WWOX: variants seen among roughly 807,000 people sequenced by gnomAD.
The protein encoded by WWOX is WW domain-containing oxidoreductase.
Under a neutral mutation model 46.2 loss-of-function variants are expected in WWOX, and 69 were observed. The ratio of observed to expected loss-of-function variants is 1.49; its 90% CI spans 1.23 to 1.82. WWOX has a LOEUF of 1.82. Among genes scored for constraint, WWOX ranks in the 40% most tolerant of loss-of-function variants. The pLI, the probability that WWOX is intolerant of heterozygous loss-of-function variation, is 0.00. For synonymous variants in WWOX, 359 were observed against 202.6 expected, an observed-to-expected ratio of 1.77 and a Z score of -6.56; for missense variants, 919 against 542.6, an observed-to-expected ratio of 1.69 and a Z score of -6.89.
chr16:78,329,607 T>A lies in WWOX; in HGVS notation c.517-57253T>A, dbSNP rs929276276. 3.9e-5 allele frequency among the ~76,000 whole-genome samples: 6 copies of A among 152,230 alleles called. No individual in the cohort carries two copies. In the East Asian group the frequency reaches 5.8e-4, roughly 15 times the overall value. On this transcript the variant is annotated intron_variant, in intron 5 of 8. Transcript: ENST00000566780. ...GGCAATGTCCCCAGTGCAACCTATG[T>A]AAAATATAGCAGTTTCCTGCACACG... is the stretch of plus-strand genomic sequence containing the variant.
intron 1 of WWOX, among the ~76,000 whole-genome samples, chr16:78,104,082 G>A (rs534138491): frequency 1.9e-4 from 29 of 152,204 alleles, no homozygotes; most frequent in Admixed American, 4.6e-4. Flanking sequence ...AGGTCTCAGT[G>A]TCAGAGCCGT....
At chr16:79,106,288 T>G (rs926048491) in intron 8 of WWOX, among the ~76,000 whole-genome samples, 2 of 152,190 alleles carry the variant, frequency 1.3e-5, no homozygotes, top group East Asian at 3.9e-4. Context: ...ACATTTTGAA[T>G]TTTTGACCTG....
At chr16:78,294,359 C>G (rs909821814) in intron 5 of WWOX, among the ~76,000 whole-genome samples, 6 of 152,134 alleles carry the variant, frequency 3.9e-5, no homozygotes, top group African/African-American at 9.7e-5. Context: ...GCCCCTTCCA[C>G]TCAGAAAAAT....
rs2049954895 is a variant in WWOX at position 79,134,958 on chromosome 16, C to G, written c.1057-76650C>G. Among the ~76,000 whole-genome samples, 3 of 152,130 alleles carry G rather than the reference C, an allele frequency of 2.0e-5. No individual in the cohort carries two copies. In the South Asian group the frequency reaches 6.2e-4, roughly 32 times the overall value. On this transcript the variant is annotated intron_variant, in intron 8 of 8. Transcript: ENST00000566780. ...TCCAAACAGGGTATGTGTTTGCAGA[C>G]AGGAGCTACATACATTTGAAAATTA...
intron 6 of WWOX, among the ~76,000 whole-genome samples, chr16:78,424,120 G>GTTTTTTTTTT (rs565162154): frequency 9.3e-6 from 1 of 108,070 alleles, no homozygotes; most frequent in Non-Finnish European, 2.0e-5. Context: ...TTTTTTTTTT[G>GTTTTTTTTTT]TTTTTTTTTT....
At chr16:78,263,003 C>A (rs545925226) in intron 5 of WWOX, among the ~76,000 whole-genome samples, 4 of 152,296 alleles carry the variant, frequency 2.6e-5, no homozygotes, top group Admixed American at 1.3e-4. Flanking sequence ...TTTTTCAGGG[C>A]ATGCTCTGTC....
At chr16:78,806,858 A>G (rs2051053179) in intron 8 of WWOX, among the ~76,000 whole-genome samples, 1 of 152,192 alleles carries the variant, frequency 6.6e-6, no homozygotes, top group African/African-American at 2.4e-5. Flanking sequence ...GCAGTCTGCC[A>G]CATAAGCAAA....
chr16:78,626,523 C>T (rs2046315706), intron 8 of WWOX, among the ~76,000 whole-genome samples: 1 of 152,110 alleles, frequency 6.6e-6, no homozygotes, highest in Non-Finnish European at 1.5e-5. Flanking sequence ...CTGTTTTCAT[C>T]ACATCGTATC....
intron 8 of WWOX, among the ~76,000 whole-genome samples, chr16:78,477,440 C>G (rs1352162827): frequency 3.3e-5 from 5 of 151,794 alleles, no homozygotes; most frequent in Admixed American, 2.6e-4. Flanking sequence ...GTGAAGAGGC[C>G]CTGTCCCAGA....
intron 8 of WWOX, among the ~76,000 whole-genome samples, chr16:78,559,422 G>C (rs2044380961): frequency 6.6e-6 from 1 of 152,264 alleles, no homozygotes; most frequent in African/African-American, 2.4e-5. Flanking sequence ...CGAGGAGCAA[G>C]TAGATCAAAT....
At chr16:78,297,568 G>T (rs2079962772) in intron 5 of WWOX, among the ~76,000 whole-genome samples, 1 of 152,092 alleles carries the variant, frequency 6.6e-6, no homozygotes, top group African/African-American at 2.4e-5. Context: ...AATGTATTAT[G>T]GACTGAATAA....
intron 8 of WWOX, among the ~76,000 whole-genome samples, chr16:79,025,901 T>C (rs892374097): frequency 1.4e-5 from 2 of 146,418 alleles, no homozygotes; most frequent in Non-Finnish European, 3.0e-5. Flanking sequence ...TGGGTTCAAG[T>C]GATTCTCCTG....
At chr16:78,457,443 C>T (rs2083846245) in intron 8 of WWOX, among the ~76,000 whole-genome samples, 1 of 152,194 alleles carries the variant, frequency 6.6e-6, no homozygotes, top group Non-Finnish European at 1.5e-5. Flanking sequence ...CCTGAGAAAG[C>T]GAAGGTGAAT....
At chr16:78,855,872 T>C (rs1478641093) in intron 8 of WWOX, among the ~76,000 whole-genome samples, 2 of 152,128 alleles carry the variant, frequency 1.3e-5, no homozygotes, top group African/African-American at 4.8e-5. Flanking sequence ...CCAGGGAAAA[T>C]TGAGGCCCAG....
chr16:79,075,849 CA>C (rs1266656135), intron 8 of WWOX, among the ~76,000 whole-genome samples: 2 of 152,044 alleles, frequency 1.3e-5, no homozygotes, highest in Non-Finnish European at 2.9e-5. Flanking sequence ...ATAACTATCT[CA>C]AAAAAACATA....
intron 8 of WWOX, among the ~76,000 whole-genome samples, chr16:78,660,387 A>T (rs2047183134): frequency 6.6e-6 from 1 of 152,106 alleles, no homozygotes. Context: ...GAAATTGGAG[A>T]CATTGATATG....
chr16:79,037,266 G>A (rs1028722886), intron 8 of WWOX, among the ~76,000 whole-genome samples: 1 of 152,202 alleles, frequency 6.6e-6, no homozygotes, highest in Admixed American at 6.5e-5. Flanking sequence ...GACTCTGGGG[G>A]ATGCTTCTTT....
chr16:78,109,986 T>G (rs1389985557), intron 3 of WWOX, 151 bp downstream of exon 3: 2 of 852,008 alleles, frequency 2.3e-6, no homozygotes. Context: ...TTAACATCGC[T>G]GGAACTTTTA....
At chr16:79,109,765 G>A (rs1285177625) in intron 8 of WWOX, among the ~76,000 whole-genome samples, 1 of 152,064 alleles carries the variant, frequency 6.6e-6, no homozygotes, top group Non-Finnish European at 1.5e-5. Context: ...CTGAGCGTTC[G>A]CATCAGATAA....
Sources: allele counts gnomAD v4.1 joint callset (sites outside exome capture counted in the v4.1 genomes callset), GRCh38; gene constraint gnomAD v4.1.1; transcripts MANE v1.5; gene names NCBI Gene and HGNC (gene_info 2026-07-23, HGNC 2026-07-21).